Variants in VEPH1 observed in about 807,000 individuals in gnomAD.
The protein encoded by VEPH1 is ventricular zone-expressed PH domain-containing protein homolog 1.
Under a neutral mutation model 85.2 loss-of-function variants are expected in VEPH1, and 80 were observed. The observed-to-expected ratio is 0.94, with a 90% CI of 0.78 to 1.13. VEPH1 has a LOEUF of 1.13. VEPH1 is among the 50% of genes most tolerant of loss of function. The probability of loss-of-function intolerance (pLI) is 0.00; values close to 1 mark genes in which losing one functional copy is unlikely to be tolerated. For missense variants in VEPH1, 955 were observed against 980.5 expected (o/e 0.97, Z 0.35); for synonymous variants, 297 against 348.0 (o/e 0.85, Z 1.63).
chr3:157,425,080 G>C (rs1167804710), intron 5 of VEPH1, among the ~76,000 whole-genome samples: 1 of 152,226 alleles, frequency 6.6e-6, no homozygotes, highest in East Asian at 1.9e-4. Flanking sequence ...CTAGGGACTT[G>C]GTTCCCTGTG....
intron 12 of VEPH1, among the ~76,000 whole-genome samples, chr3:157,284,576 C>T (rs1251293021): frequency 2.0e-5 from 3 of 151,328 alleles, no homozygotes; most frequent in African/African-American, 2.4e-5. Flanking sequence ...AGACCTTTCA[C>T]TTAGATTAAA....
chr3:157,458,972 A>C (rs1384807132), intron 4 of VEPH1, among the ~76,000 whole-genome samples: 1 of 152,118 alleles, frequency 6.6e-6, no homozygotes, highest in Non-Finnish European at 1.5e-5. Flanking sequence ...ATTCTGTTCT[A>C]CTGAAAAACC....
intron 11 of VEPH1, among the ~76,000 whole-genome samples, chr3:157,288,214 C>A (rs570623427): frequency 6.6e-6 from 1 of 152,190 alleles, no homozygotes; most frequent in Non-Finnish European, 1.5e-5. Context: ...TTCTTATTGG[C>A]CTTGCATGTA....
chr3:157,408,589 C>G (rs1221184679), intron 6 of VEPH1, among the ~76,000 whole-genome samples: 2 of 152,144 alleles, frequency 1.3e-5, no homozygotes, highest in Admixed American at 6.6e-5. Context: ...AGACATTAAC[C>G]TGCAAATTGC....
intron 2 of VEPH1, among the ~76,000 whole-genome samples, chr3:157,486,594 TA>T (rs1256328223): frequency 6.6e-6 from 1 of 152,176 alleles, no homozygotes; most frequent in African/African-American, 2.4e-5. Context: ...ACAACCTTGG[TA>T]AAGTTACATT....
At chr3:157,404,898 G>C (rs192603752) in intron 6 of VEPH1, among the ~76,000 whole-genome samples, 45 of 152,172 alleles carry the variant, frequency 3.0e-4, no homozygotes, top group Admixed American at 5.2e-4. Flanking sequence ...CAACTGCTTC[G>C]TCCTCTTCAA....
intron 1 of VEPH1, among the ~76,000 whole-genome samples, chr3:157,497,982 C>A (rs1739806062): frequency 6.6e-6 from 1 of 152,132 alleles, no homozygotes; most frequent in Non-Finnish European, 1.5e-5. Flanking sequence ...ACACCTTCTA[C>A]AATATGGGAG....
At chr3:157,450,953 T>A (rs1734924069) in intron 4 of VEPH1, among the ~76,000 whole-genome samples, 1 of 152,196 alleles carries the variant, frequency 6.6e-6, no homozygotes, top group East Asian at 1.9e-4. Flanking sequence ...CTTTAAGCAC[T>A]GCTAGAGTCA....
chr3:157,273,999 T>A (rs1348114507), intron 12 of VEPH1, among the ~76,000 whole-genome samples: 1 of 152,204 alleles, frequency 6.6e-6, no homozygotes, highest in African/African-American at 2.4e-5. Flanking sequence ...CGACCTCAGT[T>A]GAAGTCCAGA....
intron 4 of VEPH1, among the ~76,000 whole-genome samples, chr3:157,443,961 C>T (rs1350363379): frequency 6.6e-6 from 1 of 152,208 alleles, no homozygotes; most frequent in Non-Finnish European, 1.5e-5. Flanking sequence ...CTCAGATACA[C>T]ATGATGCTGC....
chr3:157,318,504 G>A (rs1238207107), intron 9 of VEPH1, among the ~76,000 whole-genome samples: 1 of 151,964 alleles, frequency 6.6e-6, no homozygotes, highest in Non-Finnish European at 1.5e-5. Flanking sequence ...GCTACTTGGG[G>A]GGCAGAGCAG....
rs190654923 is a variant in VEPH1 at position 157,399,609 on chromosome 3, A to G, written c.906+14272T>C. 9.2e-4 allele frequency among the ~76,000 whole-genome samples: 140 copies of G among 152,292 alleles called. 1 individual carries two copies. Among genetic ancestry groups the G allele is most frequent in the African/African-American group, 3.2e-3 (131 of 41,574 alleles). On this transcript the variant is annotated intron_variant, in intron 6 of 13. Coordinates refer to ENST00000362010, the MANE Select transcript of VEPH1 (RefSeq NM_001167912.2). Reference sequence around the variant, plus strand: ...TATCTAGTAATCTTTAAATTCCAAGATATTTTTACAATTAAAAAATTTCAT... The same window carrying G: ...TATCTAGTAATCTTTAAATTCCAAGGTATTTTTACAATTAAAAAATTTCAT...
At chr3:157,361,541 G>T (rs577062402) in intron 9 of VEPH1, among the ~76,000 whole-genome samples, 6 of 152,202 alleles carry the variant, frequency 3.9e-5, no homozygotes, top group Non-Finnish European at 7.4e-5. Context: ...AGGCTGAGCT[G>T]TCTGGCTTTT....
At chr3:157,467,713 T>A (rs1163462289) in intron 3 of VEPH1, among the ~76,000 whole-genome samples, 1 of 152,200 alleles carries the variant, frequency 6.6e-6, no homozygotes. Context: ...GGGCCTACAA[T>A]GGACACCCCA....
At position 157,261,256 on chromosome 3, in the gene VEPH1, T is replaced by C; in HGVS notation, c.2380A>G (p.Asn794Asp). Residue 794 changes from asparagine (N) to aspartate (D), a missense_variant, in exon 14 of 14, where the codon AAT becomes GAT. By Grantham distance (23) the Asn-to-Asp change is conservative. Transcript: ENST00000362010. ...LPRAFEIFTD[N>D]KTYVFKAKDE... ...TTGGCCTTAAAGACATAGGTTTTAT[T>C]GTCTGTGAAGATTTCGAAAGCCCGG... The C allele has an allele frequency of 6.2e-7, 1 of 1,613,824 alleles. No individual in the cohort carries two copies. The highest frequency in any genetic ancestry group is 8.5e-7 in the Non-Finnish European group (1 of 1,179,814).
intron 11 of VEPH1, among the ~76,000 whole-genome samples, chr3:157,291,255 A>G (rs964566877): frequency 6.6e-6 from 1 of 152,232 alleles, no homozygotes; most frequent in Non-Finnish European, 1.5e-5. Context: ...TTATGTTTGT[A>G]TAGTTATTTT....
At chr3:157,304,038 T>TATATAC in intron 11 of VEPH1, among the ~76,000 whole-genome samples, 1,215 of 96,910 alleles carry the variant, frequency 0.013, 62 homozygotes, top group African/African-American at 0.034. Flanking sequence ...TATATATATA[T>TATATAC]ACACACATAC....
chr3:157,432,969 T>C (rs1221156220), intron 4 of VEPH1, among the ~76,000 whole-genome samples: 3 of 152,182 alleles, frequency 2.0e-5, no homozygotes. Context: ...GTTGCTTAGG[T>C]ATCCCATAGC....
chr3:157,279,841 C>A (rs1410226016), intron 12 of VEPH1, among the ~76,000 whole-genome samples: 1 of 151,878 alleles, frequency 6.6e-6, no homozygotes, highest in Non-Finnish European at 1.5e-5. Flanking sequence ...CATGGTGAAA[C>A]CCTGTATCTA....
Sources: allele counts gnomAD v4.1 joint callset (sites outside exome capture counted in the v4.1 genomes callset), GRCh38; gene constraint gnomAD v4.1.1; transcripts MANE v1.5; gene names NCBI Gene and HGNC (gene_info 2026-07-23, HGNC 2026-07-21).